FRMD3: variants seen among roughly 807,000 people sequenced by gnomAD.
The protein encoded by FRMD3 is FERM domain-containing protein 3.
FRMD3 carries 33 observed loss-of-function variants against 70.2 expected under a neutral mutation model. The ratio of observed to expected loss-of-function variants is 0.47; its 90% CI spans 0.36 to 0.63. FRMD3 has a LOEUF of 0.63. Ranked by LOEUF, FRMD3 falls within the 20% of genes least tolerant of loss-of-function variation. The pLI, the probability that FRMD3 is intolerant of heterozygous loss-of-function variation, is 0.00. For missense variants in FRMD3, 632 were observed against 711.4 expected (o/e 0.89, Z 1.27); for synonymous variants, 279 against 255.9 (o/e 1.09, Z -0.86).
chr9:83,342,637 T>C (rs1162709860), intron 5 of FRMD3, among the ~76,000 whole-genome samples: 1 of 152,070 alleles, frequency 6.6e-6, no homozygotes, highest in Non-Finnish European at 1.5e-5. Context: ...CATGTACGTA[T>C]GTATACACAT....
rs1657959621 is a variant in FRMD3 at position 83,245,376 on chromosome 9, C to T, written c.*2542G>A. 1.0e-6 allele frequency: 1 copy of T among 985,292 alleles called. No homozygotes were observed. Among genetic ancestry groups the T allele is most frequent in the Non-Finnish European group, 1.2e-6 (1 of 829,922 alleles). The allele number at this position is 985,292 out of a possible 1,614,324, so 61.0% of individuals were successfully genotyped here. A position where few individuals can be genotyped will look rare whatever the true frequency, so the allele number is the denominator to read the frequency against. On this transcript the variant is annotated 3_prime_UTR_variant, in exon 14 of 14. Transcript: ENST00000304195. ...CTTAAATGGATGTTTCTAAAAGGCTCTGATTCTATGCCGAGCAAATGGCAT... is the reference window on the plus strand; with the variant it reads ...CTTAAATGGATGTTTCTAAAAGGCTTTGATTCTATGCCGAGCAAATGGCAT...
At chr9:83,504,177 C>T (rs1273414667) in intron 1 of FRMD3, among the ~76,000 whole-genome samples, 2 of 152,168 alleles carry the variant, frequency 1.3e-5, no homozygotes, top group Non-Finnish European at 2.9e-5. Flanking sequence ...CAGTGCTTAT[C>T]ATCTCCTGAG....
Position 83,538,110 on chromosome 9 carries a change from T to A in FRMD3, c.122A>T (p.Asp41Val), listed in dbSNP as rs1312397426. ...CTGGATGTGGCAGGAGATCTCCGAG[T>A]CGTCCAGCAGCCGGATGGTGCATCT... Reference protein sequence around the residue: ...EMRCTIRLLDDSEISCHIQRE... With the variant: ...EMRCTIRLLDVSEISCHIQRE... The change falls in exon 1 of 14, where the codon GAC becomes GTC. Residue 41 changes from aspartate to valine, a missense_variant. Asp to Val is a radical substitution (Grantham distance 152, BLOSUM62 -3). Transcript: ENST00000304195. This position sits in a 1 kb window ranked among gnomAD's most constrained non-coding sequence, Gnocchi z 4.7. 1.9e-6 allele frequency: 3 copies of A among 1,612,866 alleles called. No individual in the cohort carries two copies. Among genetic ancestry groups the A allele is most frequent in the Non-Finnish European group, 2.5e-6 (3 of 1,179,554 alleles).
chr9:83,470,483 C>T (rs1477563887), intron 1 of FRMD3, among the ~76,000 whole-genome samples: 1 of 152,232 alleles, frequency 6.6e-6, no homozygotes, highest in Non-Finnish European at 1.5e-5. Context: ...CAGAGTGGCA[C>T]ACAGGGCAGG....
In FRMD3 at chr9:83,478,738, G is replaced by A. The variant is rs549479869; in HGVS notation, c.147+59347C>T. ...ACATTATTCAGAAAAGCCAGTAAGT[G>A]GAAACAACACAAATATCCACTGGCA... On this transcript the variant is annotated intron_variant, in intron 1 of 13. Coordinates refer to ENST00000304195, the MANE Select transcript of FRMD3 (RefSeq NM_174938.6). Among the ~76,000 whole-genome samples the A allele has an allele frequency of 3.9e-5, 6 of 152,226 alleles. No homozygotes were observed. In the South Asian group the frequency reaches 1.0e-3, roughly 26 times the overall value.
chr9:83,303,706 C>T (rs998130886), intron 10 of FRMD3, among the ~76,000 whole-genome samples: 1 of 152,162 alleles, frequency 6.6e-6, no homozygotes, highest in Non-Finnish European at 1.5e-5. Context: ...ACAGCTTTGT[C>T]GAGATATAAT....
chr9:83,470,343 G>A (rs78020795), intron 1 of FRMD3, among the ~76,000 whole-genome samples: 1 of 152,142 alleles, frequency 6.6e-6, no homozygotes, highest in Non-Finnish European at 1.5e-5. Context: ...GATCTGGGCT[G>A]CAGTCCTCAC....
rs1833677122 is a variant in FRMD3, at chr9:83,273,357, G to A, written c.1195+17246C>T. Among the ~76,000 whole-genome samples, 3 of 151,004 alleles carry A rather than the reference G, an allele frequency of 2.0e-5. 1 individual carries two copies. In the South Asian group the frequency reaches 6.3e-4, roughly 31 times the overall value. On this transcript the variant is annotated intron_variant, in intron 13 of 13. Transcript: ENST00000304195. ...CCCAACCCCGTGCTCTCTGAAACAT[G>A]TGCTGTGTCCACTCAGGGTTAAATG...
intron 1 of FRMD3, among the ~76,000 whole-genome samples, chr9:83,526,896 T>C (rs1829695988): frequency 6.6e-6 from 1 of 152,144 alleles, no homozygotes; most frequent in African/African-American, 2.4e-5. Context: ...TTTTTTTCTT[T>C]TTGCTAAAGT....
At chr9:83,507,298 C>T (rs1202075259) in intron 1 of FRMD3, among the ~76,000 whole-genome samples, 1 of 139,954 alleles carries the variant, frequency 7.1e-6, no homozygotes, top group African/African-American at 2.7e-5. Flanking sequence ...ACCTGGGAGG[C>T]AGAGGTTTCA....
At chr9:83,335,388 G>A (rs557200635) in intron 6 of FRMD3, 128 bp downstream of exon 6, 40 of 931,848 alleles carry the variant, frequency 4.3e-5, no homozygotes, top group Non-Finnish European at 5.9e-5. Flanking sequence ...GAAAAATTGC[G>A]CTGCCACGCA....
chr9:83,452,465 C>A (rs1238579470), intron 1 of FRMD3, among the ~76,000 whole-genome samples: 1 of 67,394 alleles, frequency 1.5e-5, no homozygotes, highest in Admixed American at 2.0e-4. Context: ...TGAACTAATG[C>A]TTGAGTTGTT....
intron 1 of FRMD3, among the ~76,000 whole-genome samples, chr9:83,505,002 G>C (rs113404593): frequency 2.5e-3 from 375 of 152,222 alleles, no homozygotes; most frequent in African/African-American, 8.4e-3. Context: ...AAAATAGTGA[G>C]GTATCAGAGT....
At position 83,486,830 on chromosome 9, in the gene FRMD3, GCA is replaced by G. The variant is rs373566766; in HGVS notation, c.147+51253_147+51254del. ...TTAGTTAATGTTTCAATTCAAATGT[GCA>G]CACACACACACATATACCCCACTAA... On this transcript the variant is annotated intron_variant, in intron 1 of 13. Transcript: ENST00000304195. Among the ~76,000 whole-genome samples, 52 of 151,818 alleles carry G rather than the reference GCA, an allele frequency of 3.4e-4. No individual in the cohort carries two copies. In the South Asian group the frequency reaches 9.2e-3, roughly 27 times the overall value.
chr9:83,571,555 G>A, the FRMD3 span, among the ~76,000 whole-genome samples: 1 of 152,208 alleles, frequency 6.6e-6, no homozygotes, highest in Admixed American at 6.5e-5. Context: ...TTAGTTGCGT[G>A]TTGACATCTG....
intron 1 of FRMD3, among the ~76,000 whole-genome samples, chr9:83,393,908 TTGTG>T (rs1825738085): frequency 6.6e-6 from 1 of 150,570 alleles, no homozygotes; most frequent in African/African-American, 2.4e-5. Flanking sequence ...TTTAATTCTA[TTGTG>T]TGTGTGTTTT....
chr9:83,564,935 A>G, the FRMD3 span, among the ~76,000 whole-genome samples: 2 of 152,084 alleles, frequency 1.3e-5, no homozygotes, highest in African/African-American at 4.8e-5. Context: ...AAAAATAATC[A>G]CCTCAAAAGG....
At chr9:83,482,602 C>T (rs1322666748) in intron 1 of FRMD3, among the ~76,000 whole-genome samples, 5 of 152,036 alleles carry the variant, frequency 3.3e-5, no homozygotes, top group East Asian at 1.9e-4. Flanking sequence ...TATTACAAGA[C>T]GATGATTGGT....
chr9:83,472,780 G>T (rs1437893647), intron 1 of FRMD3, among the ~76,000 whole-genome samples: 1 of 152,080 alleles, frequency 6.6e-6, no homozygotes, highest in Non-Finnish European at 1.5e-5. Context: ...TGAGAAGAAA[G>T]GATTTGGGGT....
Sources: gnomAD v4.1 joint callset for allele counts (sites outside exome capture counted in the v4.1 genomes callset) on GRCh38, gnomAD v4.1.1 for gene constraint, Gnocchi (gnomAD v3.1) non-coding constraint, MANE v1.5 for transcripts, NCBI Gene and HGNC (gene_info 2026-07-23, HGNC 2026-07-21) for gene names.